The following CLEC16A variants were observed in gnomAD, a reference collection of about 807,000 sequenced individuals.
CLEC16A encodes protein CLEC16A.
In CLEC16A, 51 loss-of-function variants were observed where a neutral mutation model predicts 109.5. That is an observed-to-expected ratio of 0.47 (90% CI 0.37 to 0.59). CLEC16A has a LOEUF of 0.59. Among genes scored for constraint, CLEC16A ranks in the 20% least tolerant of loss-of-function variants. The probability of loss-of-function intolerance (pLI) is 0.00; values close to 1 mark genes in which losing one functional copy is unlikely to be tolerated. For synonymous variants in CLEC16A, 673 were observed against 564.2 expected, an observed-to-expected ratio of 1.19 and a Z score of -2.73; for missense variants, 1,339 against 1,394.0, an observed-to-expected ratio of 0.96 and a Z score of 0.63.
chr16:11,071,022 C>T (rs890164950), intron 19 of CLEC16A: 3 of 152,226 alleles, frequency 2.0e-5, no homozygotes, highest in African/African-American at 7.2e-5. Context: ...CTGCGTGCTT[C>T]GCCCCAGCTT....
chr16:11,105,284 C>T (rs2051150183), intron 19 of CLEC16A, among the ~76,000 whole-genome samples: 1 of 152,190 alleles, frequency 6.6e-6, no homozygotes, highest in Non-Finnish European at 1.5e-5. Flanking sequence ...CTCCCTTGGA[C>T]TCGGTTTCTG....
chr16:11,051,749 A>G (rs997019879), intron 18 of CLEC16A, 108 bp downstream of exon 18: 8 of 1,369,176 alleles, frequency 5.8e-6, no homozygotes, highest in African/African-American at 1.4e-5. Flanking sequence ...TGCCCTCAAC[A>G]CAGCTTAGAC....
At chr16:11,091,510 G>A (rs1021723265) in intron 19 of CLEC16A, among the ~76,000 whole-genome samples, 1 of 152,196 alleles carries the variant, frequency 6.6e-6, no homozygotes, top group Admixed American at 6.5e-5. Flanking sequence ...CCCCACCTCT[G>A]CAGGGCTGTC....
rs202190195 is a variant in CLEC16A at position 11,120,659 on chromosome 16, G to A, written c.2161G>A (p.Gly721Ser). 3.0e-5 allele frequency: 48 copies of A among 1,612,886 alleles called. No homozygotes were observed. Among genetic ancestry groups the A allele is most frequent in the Middle Eastern group, 1.6e-4 (1 of 6,082 alleles). ...ATGTACAGTGATCACCAAGGATGGC[G>A]GCATGGTCCAGCGATTCCTGGCTGT... is the stretch of plus-strand genomic sequence containing the variant. ...IACTVITKDGGMVQRFLAVDI... is the reference protein window; with the variant it reads ...IACTVITKDGSMVQRFLAVDI... Residue 721 changes from glycine to serine, a missense_variant, in exon 20 of 24, where the codon GGC (glycine) becomes AGC (serine). Gly to Ser is a moderately conservative substitution (Grantham distance 56). Coordinates refer to ENST00000409790, the MANE Select transcript of CLEC16A (RefSeq NM_015226.3).
chr16:11,081,003 C>T (rs1242343000), intron 19 of CLEC16A, among the ~76,000 whole-genome samples: 3 of 152,234 alleles, frequency 2.0e-5, no homozygotes, highest in Non-Finnish European at 4.4e-5. Context: ...GATGCAGAAA[C>T]TGGCAGCAGA....
At chr16:11,036,918 C>T (rs1382578057) in intron 13 of CLEC16A, among the ~76,000 whole-genome samples, 1 of 152,162 alleles carries the variant, frequency 6.6e-6, no homozygotes, top group African/African-American at 2.4e-5. Flanking sequence ...AATTCTCATC[C>T]ATGCATTAAG....
rs569076389 is a variant in CLEC16A at position 10,946,200 on chromosome 16, A to C, written c.80+1403A>C. Reference sequence around the variant, plus strand: ...ATCCTGAGACTACTAATGGGAAAGGAGGAAGATAGGGTTAGGGATATGGTG... The same window carrying C: ...ATCCTGAGACTACTAATGGGAAAGGCGGAAGATAGGGTTAGGGATATGGTG... On this transcript the variant is annotated intron_variant, in intron 1 of 23. Coordinates refer to ENST00000409790, the MANE Select transcript of CLEC16A (RefSeq NM_015226.3). 5.3e-5 allele frequency among the ~76,000 whole-genome samples: 8 copies of C among 152,258 alleles called. No individual in the cohort carries two copies. The East Asian group carries it at 1.5e-3, about 29-fold the overall frequency.
Position 11,181,417 on chromosome 16 carries a change from C to T in CLEC16A, c.*2727C>T, listed in dbSNP as rs1336715595. 2.0e-5 allele frequency: 3 copies of T among 152,554 alleles called. No homozygotes were observed. The East Asian group carries it at 5.8e-4, about 29-fold the overall frequency. The allele number at this position is 152,554 out of a possible 1,614,324, so 9.5% of individuals were successfully genotyped here. ...GACCCATCCGGCCCGCCCCCCAAGT[C>T]CCTGCAGAGAGCACTTAGAGTTATG... On this transcript the variant is annotated 3_prime_UTR_variant, in exon 24 of 24. Coordinates refer to ENST00000409790, the MANE Select transcript of CLEC16A (RefSeq NM_015226.3).
intron 18 of CLEC16A, 131 bp from the exon 19 acceptor site, chr16:11,060,771 C>A: frequency 2.1e-6 from 2 of 961,882 alleles, no homozygotes; most frequent in Non-Finnish European, 2.9e-6. Flanking sequence ...TCAAAACACC[C>A]GAAGAGGTGG....
chr16:11,039,150 C>T (rs1478183408), intron 13 of CLEC16A, among the ~76,000 whole-genome samples: 1 of 152,060 alleles, frequency 6.6e-6, no homozygotes, highest in Non-Finnish European at 1.5e-5. Context: ...GATGGTGTCC[C>T]CTTTTTCTAC....
intron 11 of CLEC16A, among the ~76,000 whole-genome samples, chr16:11,004,711 A>C (rs2044884248): frequency 6.6e-6 from 1 of 152,160 alleles, no homozygotes; most frequent in Non-Finnish European, 1.5e-5. Flanking sequence ...GGCAGTTGTC[A>C]GTGAATACCA....
chr16:10,986,730 A>AGTGTGTGTGTGTGTGT (rs200977014), intron 10 of CLEC16A, among the ~76,000 whole-genome samples: 3 of 116,810 alleles, frequency 2.6e-5, no homozygotes, highest in Non-Finnish European at 4.9e-5. Flanking sequence ...TTTAAGGCTC[A>AGTGTGTGTGTGTGTGT]ATGTGTGTGT....
In CLEC16A at chr16:11,178,765, A is replaced by G; in HGVS notation, c.*75A>G. 8.6e-7 allele frequency: 1 copy of G among 1,162,848 alleles called. No individual in the cohort carries two copies. The highest frequency in any genetic ancestry group is 1.2e-6 in the Non-Finnish European group (1 of 851,258). The allele number at this position is 1,162,848 out of a possible 1,614,324, so 72.0% of individuals were successfully genotyped here. A position where few individuals can be genotyped will look rare whatever the true frequency, so the allele number is the denominator to read the frequency against. ...CCAGTGCCGCTGACTGGCAAGACAC[A>G]CTGGGAGCACCCACCATTCTGTGCG... On this transcript the variant is annotated 3_prime_UTR_variant, in exon 24 of 24. Coordinates refer to ENST00000409790, the MANE Select transcript of CLEC16A (RefSeq NM_015226.3). The surrounding 1 kb of genome is among the most constrained non-coding windows in gnomAD (Gnocchi z 6.5).
At chr16:11,025,949 C>T (rs1226340873) in intron 13 of CLEC16A, among the ~76,000 whole-genome samples, 1 of 152,174 alleles carries the variant, frequency 6.6e-6, no homozygotes, top group South Asian at 2.1e-4. Context: ...TGTATGACTG[C>T]CCACTTAGCT....
At chr16:11,125,607 A>G (rs2052749532) in intron 21 of CLEC16A, among the ~76,000 whole-genome samples, 1 of 152,240 alleles carries the variant, frequency 6.6e-6, no homozygotes. Context: ...CTCTCTGGGC[A>G]GACTCGGCCC....
intron 1 of CLEC16A, among the ~76,000 whole-genome samples, chr16:10,947,556 C>G (rs8051340): frequency 0.22 from 32,987 of 152,078 alleles, 4,634 homozygotes; most frequent in African/African-American, 0.4. Context: ...CAGGACCCTG[C>G]GGGTTTTGTG....
intron 19 of CLEC16A, among the ~76,000 whole-genome samples, chr16:11,102,291 G>A (rs1385851952): frequency 1.3e-5 from 2 of 152,186 alleles, no homozygotes; most frequent in Admixed American, 6.5e-5. Context: ...ATGTTGCTCT[G>A]CTGCCCAAAG....
chr16:11,174,063 C>T lies in CLEC16A; in HGVS notation c.2807-4272C>T, dbSNP rs1180798690. On this transcript the variant is annotated intron_variant, in intron 23 of 23. Transcript: ENST00000409790. The surrounding 1 kb of genome is among the most constrained non-coding windows in gnomAD (Gnocchi z 4.7). ...ACCCTCGCCCCTCGTCAGTGCTCAG[C>T]GTCCGCTGCTGCTCAGTGTCCCCTC... The T allele has an allele frequency of 5.4e-5, 22 of 408,084 alleles. No individual in the cohort carries two copies. The highest frequency in any genetic ancestry group is 1.0e-4 in the Non-Finnish European group (20 of 194,486). The allele number at this position is 408,084 out of a possible 1,614,324, so 25.3% of individuals were successfully genotyped here.
chr16:11,129,054 A>G (rs994701759), intron 22 of CLEC16A, among the ~76,000 whole-genome samples: 39 of 152,266 alleles, frequency 2.6e-4, no homozygotes, highest in African/African-American at 8.9e-4. Flanking sequence ...GGCCTCTCAG[A>G]TGAAGTTCCC....
Sources: allele counts gnomAD v4.1 joint callset (sites outside exome capture counted in the v4.1 genomes callset), GRCh38; gene constraint gnomAD v4.1.1; non-coding constraint Gnocchi (gnomAD v3.1); transcripts MANE v1.5; gene names NCBI Gene and HGNC (gene_info 2026-07-23, HGNC 2026-07-21).